Variants in LRRC4C observed in about 807,000 individuals in gnomAD.
LRRC4C encodes leucine-rich repeat-containing protein 4C.
Under a neutral mutation model 33.6 loss-of-function variants are expected in LRRC4C, and 5 were observed. That is an observed-to-expected ratio of 0.15 (90% CI 0.08 to 0.31). LRRC4C has a LOEUF of 0.31. Ranked by LOEUF, LRRC4C falls within the 10% of genes least tolerant of loss-of-function variation. The probability of loss-of-function intolerance (pLI) is 1.00; values close to 1 mark genes in which losing one functional copy is unlikely to be tolerated. For synonymous variants in LRRC4C, 329 were observed against 302.0 expected (o/e 1.09, Z -0.93); for missense variants, 560 against 796.7 (o/e 0.70, Z 3.58).
intron 1 of LRRC4C, among the ~76,000 whole-genome samples, chr11:40,986,350 C>A (rs369952003): frequency 6.6e-6 from 1 of 152,114 alleles, no homozygotes; most frequent in African/African-American, 2.4e-5. Flanking sequence ...GTAATCTCAA[C>A]ACTTTTGGAG....
At chr11:40,793,645 G>A (rs1721592640) in intron 2 of LRRC4C, among the ~76,000 whole-genome samples, 1 of 152,166 alleles carries the variant, frequency 6.6e-6, no homozygotes, top group South Asian at 2.1e-4. Flanking sequence ...TTTATTCTTA[G>A]GAAGTGACAG....
At chr11:40,506,384 T>C (rs1362820109) in intron 3 of LRRC4C, among the ~76,000 whole-genome samples, 1 of 152,208 alleles carries the variant, frequency 6.6e-6, no homozygotes, top group Non-Finnish European at 1.5e-5. Context: ...TGAAAACTTG[T>C]CATTTTACTT....
At chr11:40,773,789 A>G (rs1412817717) in intron 2 of LRRC4C, among the ~76,000 whole-genome samples, 1 of 152,092 alleles carries the variant, frequency 6.6e-6, no homozygotes, top group Non-Finnish European at 1.5e-5. Flanking sequence ...GGGCTATAAT[A>G]TATGTTTATA....
At position 41,031,105 on chromosome 11, in the gene LRRC4C, T is replaced by A. The variant is rs997884782; in HGVS notation, c.-495-97382A>T. 2.6e-5 allele frequency among the ~76,000 whole-genome samples: 4 copies of A among 151,976 alleles called. No individual in the cohort carries two copies. In the East Asian group the frequency reaches 7.7e-4, roughly 29 times the overall value. On this transcript the variant is annotated intron_variant, in intron 1 of 6. Coordinates refer to ENST00000528697, the MANE Select transcript of LRRC4C (RefSeq NM_001258419.2). ...CTTTTAAGAAAACTCATGCTATTGC[T>A]TTCACGTGGCTGCTTAGAGCTGAAG...
At chr11:40,233,833 A>G (rs1565166860) in intron 5 of LRRC4C, among the ~76,000 whole-genome samples, 1 of 152,200 alleles carries the variant, frequency 6.6e-6, no homozygotes, top group Non-Finnish European at 1.5e-5. Flanking sequence ...ACTTGGTCTG[A>G]AGATTAATTT....
At chr11:40,867,459 T>C (rs1954423929) in intron 2 of LRRC4C, among the ~76,000 whole-genome samples, 1 of 152,032 alleles carries the variant, frequency 6.6e-6, no homozygotes, top group African/African-American at 2.4e-5. Context: ...TTGGTGACTC[T>C]TAAAGTAATT....
At chr11:41,409,633 G>A (rs1372598549) in intron 1 of LRRC4C, among the ~76,000 whole-genome samples, 3 of 152,130 alleles carry the variant, frequency 2.0e-5, no homozygotes, top group Non-Finnish European at 2.9e-5. Flanking sequence ...TAACCACTGG[G>A]CTTTAATGGG....
chr11:40,873,272 G>A (rs1223431671), intron 2 of LRRC4C, among the ~76,000 whole-genome samples: 3 of 152,272 alleles, frequency 2.0e-5, no homozygotes, highest in African/African-American at 4.8e-5. Context: ...ATTAATGCAT[G>A]CAACCTGCTG....
At chr11:40,713,291 G>A (rs1326525519) in intron 2 of LRRC4C, among the ~76,000 whole-genome samples, 1 of 152,154 alleles carries the variant, frequency 6.6e-6, no homozygotes, top group African/African-American at 2.4e-5. Context: ...AATATTTGAA[G>A]TTCTGCTATT....
In LRRC4C at chr11:41,143,294, ATT is replaced by A. The variant is rs1375981028; in HGVS notation, c.-495-209573_-495-209572del. 4.9e-5 allele frequency among the ~76,000 whole-genome samples: 7 copies of A among 143,424 alleles called. No individual in the cohort carries two copies. The Admixed American group carries it at 5.6e-4, about 11-fold the overall frequency. The allele number at this position is 143,424 out of a possible 152,430, so 94.1% of individuals were successfully genotyped here. ...TGAATACATTCTTTTTAAAAAATAA[ATT>A]TTCCAGAACTAAGAAAGAATTTCAA... On this transcript the variant is annotated intron_variant, in intron 1 of 6. Coordinates refer to ENST00000528697, the MANE Select transcript of LRRC4C (RefSeq NM_001258419.2).
At chr11:40,219,441 T>G (rs1334195602) in intron 5 of LRRC4C, among the ~76,000 whole-genome samples, 2 of 152,138 alleles carry the variant, frequency 1.3e-5, no homozygotes, top group African/African-American at 2.4e-5. Flanking sequence ...TTTTGTTGAT[T>G]TTGTTTGCTG....
intron 1 of LRRC4C, among the ~76,000 whole-genome samples, chr11:41,316,080 A>G (rs1263097572): frequency 6.6e-6 from 1 of 152,066 alleles, no homozygotes; most frequent in Non-Finnish European, 1.5e-5. Context: ...AGTGAACCTC[A>G]TGTCCAGCTC....
intron 1 of LRRC4C, among the ~76,000 whole-genome samples, chr11:41,049,426 G>A (rs1005780718): frequency 1.3e-5 from 2 of 152,082 alleles, no homozygotes; most frequent in African/African-American, 2.4e-5. Context: ...GTGTGAAAAC[G>A]GATTAATACA....
At chr11:40,799,848 T>C (rs1950972304) in intron 2 of LRRC4C, among the ~76,000 whole-genome samples, 1 of 152,210 alleles carries the variant, frequency 6.6e-6, no homozygotes, top group South Asian at 2.1e-4. Flanking sequence ...TGTAAAAAGA[T>C]GACAAGTCCT....
chr11:40,854,061 A>G (rs1591897002), intron 2 of LRRC4C, among the ~76,000 whole-genome samples: 1 of 152,232 alleles, frequency 6.6e-6, no homozygotes, highest in Non-Finnish European at 1.5e-5. Context: ...TAGGCGTCAC[A>G]GAAAAAAAGA....
chr11:40,663,824 T>C (rs1317145411), intron 2 of LRRC4C, among the ~76,000 whole-genome samples: 3 of 152,142 alleles, frequency 2.0e-5, no homozygotes, highest in African/African-American at 4.8e-5. Context: ...AATCCCATAA[T>C]CACAGTGGAA....
intron 1 of LRRC4C, among the ~76,000 whole-genome samples, chr11:40,953,608 G>A (rs1009364059): frequency 6.6e-6 from 1 of 151,584 alleles, no homozygotes; most frequent in Admixed American, 6.6e-5. Context: ...TAAACCCCAA[G>A]CACACATTAC....
intron 2 of LRRC4C, among the ~76,000 whole-genome samples, chr11:40,783,304 T>TA (rs1950290611): frequency 6.6e-6 from 1 of 151,756 alleles, no homozygotes; most frequent in African/African-American, 2.4e-5. Flanking sequence ...TATTTTATTT[T>TA]TTATTTTTTG....
At chr11:40,708,621 C>T (rs1436751069) in intron 2 of LRRC4C, among the ~76,000 whole-genome samples, 1 of 152,144 alleles carries the variant, frequency 6.6e-6, no homozygotes, top group Non-Finnish European at 1.5e-5. Context: ...CTGATGAGTG[C>T]TTTACTTCCA....
Sources: gnomAD v4.1 joint callset for allele counts (sites outside exome capture counted in the v4.1 genomes callset) on GRCh38, gnomAD v4.1.1 for gene constraint, MANE v1.5 for transcripts, NCBI Gene and HGNC (gene_info 2026-07-23, HGNC 2026-07-21) for gene names.